The following MBTD1 variants were observed in gnomAD, a reference collection of about 807,000 sequenced individuals.
The protein encoded by MBTD1 is mbt domain containing 1, also known as MBT domain-containing protein 1.
Under a neutral mutation model 87.8 loss-of-function variants are expected in MBTD1, and 24 were observed. The observed-to-expected ratio is 0.27, with a 90% CI of 0.20 to 0.38. The LOEUF (loss-of-function observed/expected upper bound fraction) is 0.38, where lower values mean the gene tolerates loss of function less well. Among genes scored for constraint, MBTD1 ranks in the 10% least tolerant of loss-of-function variants. MBTD1 has a pLI of 1.00. For synonymous variants in MBTD1, 237 were observed against 248.6 expected, an observed-to-expected ratio of 0.95 and a Z score of 0.44; for missense variants, 436 against 760.2, an observed-to-expected ratio of 0.57 and a Z score of 5.02.
chr17:51,253,163 A>C (rs1164706488), intron 2 of MBTD1, among the ~76,000 whole-genome samples: 1 of 152,216 alleles, frequency 6.6e-6, no homozygotes, highest in African/African-American at 2.4e-5. Flanking sequence ...GATTGATGAT[A>C]TCTGGTATCA....
chr17:51,218,735 A>G (rs916553172), intron 5 of MBTD1, among the ~76,000 whole-genome samples, 195 bp downstream of exon 5: 1 of 152,174 alleles, frequency 6.6e-6, no homozygotes, highest in African/African-American at 2.4e-5. Context: ...AAAGCACTTG[A>G]ACTTATGCAT....
intron 2 of MBTD1, among the ~76,000 whole-genome samples, chr17:51,237,071 C>T (rs1291355889): frequency 1.3e-5 from 2 of 151,908 alleles, no homozygotes; most frequent in Non-Finnish European, 2.9e-5. Context: ...CCGAGGCGGG[C>T]GGATCACCTG....
At position 51,202,701 on chromosome 17, in the gene MBTD1, CA is replaced by C; in HGVS notation, c.1062del (p.Asp355IlefsTer20). The C allele has an allele frequency of 6.2e-7, 1 of 1,611,050 alleles. No homozygotes were observed. The highest frequency in any genetic ancestry group is 1.3e-5 in the African/African-American group (1 of 74,992). ...SRSIGHRFKR[S>X]DITKKQDGHF... The stretch of plus-strand genomic sequence containing the variant: ...AGGAGTTCTTGTGATAGGTGCTTAC[CA>C]GATCTTTTGAATCGATGACCTATGC... On this transcript the variant is annotated frameshift_variant and splice_region_variant, in exon 10 of 17. Transcript: ENST00000586178. LOFTEE classifies it high-confidence loss of function.
upstream of MBTD1, chr17:51,260,612 A>T: frequency 1.9e-6 from 3 of 1,612,632 alleles, no homozygotes; most frequent in Non-Finnish European, 2.5e-6. Context: ...GAGACGAATG[A>T]AACTGGACCG....
At chr17:51,244,606 C>T (rs1404170971) in intron 2 of MBTD1, among the ~76,000 whole-genome samples, 2 of 152,148 alleles carry the variant, frequency 1.3e-5, no homozygotes, top group Non-Finnish European at 2.9e-5. Flanking sequence ...CAGGGTTTCA[C>T]CATATTGACC....
intron 3 of MBTD1, among the ~76,000 whole-genome samples, chr17:51,223,564 G>C (rs2053038789): frequency 6.8e-6 from 1 of 147,300 alleles, no homozygotes; most frequent in Admixed American, 6.8e-5. Flanking sequence ...GCCTGGGCGT[G>C]GTGGCTCACC....
chr17:51,189,316 C>A (rs978050955), intron 16 of MBTD1, among the ~76,000 whole-genome samples: 1 of 152,144 alleles, frequency 6.6e-6, no homozygotes, highest in East Asian at 1.9e-4. Context: ...TAGTTCTTTT[C>A]TTTTCTATGT....
At chr17:51,222,473 C>T (rs919064818) in intron 3 of MBTD1, among the ~76,000 whole-genome samples, 3 of 152,134 alleles carry the variant, frequency 2.0e-5, no homozygotes, top group South Asian at 2.1e-4. Flanking sequence ...GGCACCATCT[C>T]GGCTCACTAC....
At position 51,178,491 on chromosome 17, in the gene MBTD1, G is replaced by T. The variant is rs1456782497; in HGVS notation, c.*2085C>A. On this transcript the variant is annotated 3_prime_UTR_variant, in exon 17 of 17. Transcript: ENST00000586178. ...AATCCTCTCTCTCCTGGTTTAGTCA[G>T]TTCCCCATGGAGCTCCTAAATCCAA... 1.3e-5 allele frequency: 2 copies of T among 152,152 alleles called. No individual in the cohort carries two copies. Among genetic ancestry groups the T allele is most frequent in the Admixed American group, 1.3e-4 (2 of 15,276 alleles). The allele number at this position is 152,152 out of a possible 1,614,324, so 9.4% of individuals were successfully genotyped here. A position where few individuals can be genotyped will look rare whatever the true frequency, so the allele number is the denominator to read the frequency against.
intron 2 of MBTD1, among the ~76,000 whole-genome samples, chr17:51,258,840 T>C (rs532790802): frequency 2.0e-5 from 3 of 152,228 alleles, no homozygotes; most frequent in Non-Finnish European, 4.4e-5. Flanking sequence ...GCCAGCACAC[T>C]TGACACTGAC....
chr17:51,241,479 C>T (rs1204530782), intron 2 of MBTD1, among the ~76,000 whole-genome samples: 4 of 152,198 alleles, frequency 2.6e-5, no homozygotes, highest in South Asian at 2.1e-4. Flanking sequence ...ATTCCCTGCA[C>T]GTTCACCAGT....
At position 51,225,734 on chromosome 17, in the gene MBTD1, T is replaced by C. The variant is rs115139439; in HGVS notation, c.-48-525A>G. The stretch of plus-strand genomic sequence containing the variant: ...AGTGTGCCTCGCCCAGATTTCTTTT[T>C]TCTTTTTAATTATGGGATGGGCGTG... On this transcript the variant is annotated intron_variant, in intron 2 of 16. Coordinates refer to ENST00000586178, the MANE Select transcript of MBTD1 (RefSeq NM_017643.3). 4.6e-3 allele frequency among the ~76,000 whole-genome samples: 706 copies of C among 152,048 alleles called. 7 individuals carry two copies. Among genetic ancestry groups the C allele is most frequent in the African/African-American group, 0.016 (680 of 41,498 alleles).
chr17:51,223,524 A>C (rs745907273), intron 3 of MBTD1, among the ~76,000 whole-genome samples: 3 of 151,586 alleles, frequency 2.0e-5, no homozygotes, highest in Non-Finnish European at 4.4e-5. Flanking sequence ...GTAATACAGC[A>C]AGACTGTCTC....
intron 2 of MBTD1, among the ~76,000 whole-genome samples, chr17:51,242,830 T>C (rs1228437456): frequency 4.6e-5 from 7 of 152,312 alleles, no homozygotes; most frequent in Non-Finnish European, 8.8e-5. Context: ...TCCATTTCCT[T>C]CACAAAAGTC....
chr17:51,221,649 T>C (rs1053941131), intron 3 of MBTD1, among the ~76,000 whole-genome samples: 2 of 152,052 alleles, frequency 1.3e-5, no homozygotes, highest in Non-Finnish European at 2.9e-5. Context: ...GAAAAAAAAA[T>C]TGCGTCTGTA....
At chr17:51,212,539 T>C (rs1014223982) in intron 6 of MBTD1, among the ~76,000 whole-genome samples, 43 of 150,672 alleles carry the variant, frequency 2.9e-4, no homozygotes, top group African/African-American at 5.9e-4. Flanking sequence ...CAATAAGACA[T>C]GGGATTATTA....
intron 12 of MBTD1, among the ~76,000 whole-genome samples, chr17:51,198,353 C>G (rs970076891): frequency 2.5e-4 from 38 of 152,264 alleles, no homozygotes; most frequent in African/African-American, 8.9e-4. Flanking sequence ...ATGACTTGAC[C>G]AAGTGTTTAA....
chr17:51,235,946 T>C (rs1009739925), intron 2 of MBTD1, among the ~76,000 whole-genome samples: 1 of 152,140 alleles, frequency 6.6e-6, no homozygotes, highest in Non-Finnish European at 1.5e-5. Context: ...AGCATGAATA[T>C]AGACAAAAAG....
chr17:51,251,214 G>A (rs2054760913), intron 2 of MBTD1: 1 of 152,002 alleles, frequency 6.6e-6, no homozygotes, highest in South Asian at 2.1e-4. Flanking sequence ...GTATGGATGT[G>A]GCCTGCTCTT....
Sources: gnomAD v4.1 joint callset for allele counts (sites outside exome capture counted in the v4.1 genomes callset) on GRCh38, gnomAD v4.1.1 for gene constraint, MANE v1.5 for transcripts, NCBI Gene and HGNC (gene_info 2026-07-23, HGNC 2026-07-21) for gene names.